Variants in POR observed in about 807,000 individuals in gnomAD.
POR encodes the protein cytochrome p450 oxidoreductase.
Under a neutral mutation model 84.0 loss-of-function variants are expected in POR, and 56 were observed. The observed-to-expected ratio is 0.67, with a 90% CI of 0.54 to 0.83. POR has a LOEUF of 0.83. Ranked by LOEUF, POR falls within the 40% of genes least tolerant of loss-of-function variation. The probability of loss-of-function intolerance (pLI) is 0.00; values close to 1 mark genes in which losing one functional copy is unlikely to be tolerated. For synonymous variants in POR, 414 were observed against 400.5 expected (o/e 1.03, Z -0.40); for missense variants, 938 against 944.3 (o/e 0.99, Z 0.09).
At chr7:75,974,158 A>G (rs148547867) in intron 3 of POR, among the ~76,000 whole-genome samples, 11 of 151,982 alleles carry the variant, frequency 7.2e-5, no homozygotes, top group African/African-American at 2.7e-4. Context: ...GGCTGTTGCT[A>G]CTCTTTGGCT....
At chr7:75,938,291 G>A (rs151084013) in intron 1 of POR, among the ~76,000 whole-genome samples, 51 of 152,256 alleles carry the variant, frequency 3.3e-4, no homozygotes, top group African/African-American at 1.0e-3. Context: ...TGAAAGCCCC[G>A]TGACTGCATT....
chr7:75,946,917 T>C (rs1787199260), intron 1 of POR: 1 of 152,080 alleles, frequency 6.6e-6, no homozygotes, highest in African/African-American at 2.4e-5. Context: ...CCCATCAGAG[T>C]ATTTGGCATA....
At chr7:75,918,768 T>C (rs529532148) in intron 1 of POR, 1 of 152,162 alleles carries the variant, frequency 6.6e-6, no homozygotes, top group African/African-American at 2.4e-5. Context: ...GCTGTTTGTT[T>C]CCACAGCAGG....
chr7:75,955,468 C>T (rs41295384), intron 2 of POR, among the ~76,000 whole-genome samples: 3,188 of 152,204 alleles, frequency 0.021, 112 homozygotes, highest in African/African-American at 0.073. Context: ...TTACTTCCTG[C>T]GGTTACGCTT....
At chr7:75,925,540 A>G (rs1281770883) in intron 1 of POR, among the ~76,000 whole-genome samples, 1 of 152,140 alleles carries the variant, frequency 6.6e-6, no homozygotes, top group Admixed American at 6.6e-5. Context: ...TTTTTTTTAA[A>G]AAGTGCTTTT....
chr7:75,985,500 G>T, intron 12 of POR, 79 bp from the exon 13 acceptor site: 1 of 1,429,074 alleles, frequency 7.0e-7, no homozygotes, highest in Non-Finnish European at 9.2e-7. Context: ...AGTGGGGCTG[G>T]CCTGCAGAAC....
intron 2 of POR, among the ~76,000 whole-genome samples, chr7:75,959,154 C>T (rs954635935): frequency 2.0e-5 from 3 of 152,134 alleles, no homozygotes; most frequent in Non-Finnish European, 2.9e-5. Context: ...AGGAGGATTG[C>T]TTAAGCCCAG....
chr7:75,954,608 A>AG (rs1787600605), intron 2 of POR, among the ~76,000 whole-genome samples: 1 of 152,116 alleles, frequency 6.6e-6, no homozygotes, highest in East Asian at 1.9e-4. Context: ...GGCACGATCA[A>AG]GGTTCACTGT....
At chr7:75,977,803 G>GAA (rs1298773008) in intron 3 of POR, among the ~76,000 whole-genome samples, 1 of 151,970 alleles carries the variant, frequency 6.6e-6, no homozygotes, top group African/African-American at 2.4e-5. Context: ...AAAAAGAAAA[G>GAA]AAAAAAAGAA....
intron 2 of POR, among the ~76,000 whole-genome samples, chr7:75,963,784 C>A (rs1554554812): frequency 6.6e-6 from 1 of 151,984 alleles, no homozygotes; most frequent in African/African-American, 2.4e-5. Flanking sequence ...AGGCACAGGT[C>A]ACCAAGGGAG....
rs183136038 is a variant in POR, at chr7:75,977,804, A to G, written c.238-1647A>G. Among the ~76,000 whole-genome samples, 349 of 152,266 alleles carry G rather than the reference A, an allele frequency of 2.3e-3. 3 individuals carry two copies. Among genetic ancestry groups the G allele is most frequent in the African/African-American group, 8.2e-3 (342 of 41,544 alleles). On this transcript the variant is annotated intron_variant, in intron 3 of 15. Coordinates refer to ENST00000461988, the MANE Select transcript of POR (RefSeq NM_000941.3). Reference sequence around the variant, plus strand: ...CACACAAAAATAAAAAAAAGAAAAGAAAAAAAGAAAAATGCCTTAGGCACT... The same window carrying G: ...CACACAAAAATAAAAAAAAGAAAAGGAAAAAAGAAAAATGCCTTAGGCACT...
intron 2 of POR, among the ~76,000 whole-genome samples, chr7:75,971,625 T>C (rs1585120272): frequency 6.6e-6 from 1 of 151,834 alleles, no homozygotes; most frequent in South Asian, 2.1e-4. Context: ...TGGACCAAGG[T>C]GAGGGCTGTA....
rs537750042 is a variant in POR at position 75,933,295 on chromosome 7, C to T, written c.-5+18116C>T. Among the ~76,000 whole-genome samples, 12 of 149,068 alleles carry T rather than the reference C, an allele frequency of 8.1e-5. No individual in the cohort carries two copies. In the East Asian group the frequency reaches 2.4e-3, roughly 30 times the overall value. The stretch of plus-strand genomic sequence containing the variant: ...CACACCTTTTTTTGTGGTGAGAACA[C>T]TTAAAATCTACTCTTAGCAGTCTTC... On this transcript the variant is annotated intron_variant, in intron 1 of 15. Transcript: ENST00000461988.
At chr7:75,977,133 G>T (rs1233310177) in intron 3 of POR, among the ~76,000 whole-genome samples, 1 of 152,182 alleles carries the variant, frequency 6.6e-6, no homozygotes, top group East Asian at 1.9e-4. Context: ...GATTACAGAA[G>T]TGAGCCACGG....
In POR at chr7:75,955,171, G is replaced by A. The variant is rs182873417; in HGVS notation, c.188+991G>A. On this transcript the variant is annotated intron_variant, in intron 2 of 15. Coordinates refer to ENST00000461988, the MANE Select transcript of POR (RefSeq NM_000941.3). ...ATTGGCATTTTAAAGTCTTTTTAAG[G>A]CTGTAGCCACCTGGAAGGCTATGTG... Among the ~76,000 whole-genome samples, 269 of 152,310 alleles carry A rather than the reference G, an allele frequency of 1.8e-3. 13 individuals carry two copies. In the South Asian group the frequency reaches 0.05, roughly 28 times the overall value.
intron 1 of POR, among the ~76,000 whole-genome samples, chr7:75,924,868 A>T (rs1807042300): frequency 6.6e-6 from 1 of 152,182 alleles, no homozygotes; most frequent in South Asian, 2.1e-4. Context: ...GTCATCCCGG[A>T]GACGGACTGT....
chr7:75,982,811 C>T (rs1368745926), intron 8 of POR, among the ~76,000 whole-genome samples: 3 of 152,134 alleles, frequency 2.0e-5, no homozygotes, highest in South Asian at 4.1e-4. Flanking sequence ...CTGGCTGGAG[C>T]GAGAAGCCCT....
intron 1 of POR, among the ~76,000 whole-genome samples, chr7:75,917,072 CT>C (rs557927022): frequency 1.1e-3 from 160 of 146,286 alleles, no homozygotes; most frequent in East Asian, 9.9e-4. Flanking sequence ...TTTTAAGTAA[CT>C]TTTTTTTTTT....
chr7:75,950,442 C>T (rs556299074), intron 1 of POR, among the ~76,000 whole-genome samples: 5 of 152,214 alleles, frequency 3.3e-5, no homozygotes, highest in South Asian at 2.1e-4. Flanking sequence ...GGACAGGGAG[C>T]GCGAGTTTCT....
Sources: gnomAD v4.1 joint callset for allele counts (sites outside exome capture counted in the v4.1 genomes callset) on GRCh38, gnomAD v4.1.1 for gene constraint, MANE v1.5 for transcripts, NCBI Gene and HGNC (gene_info 2026-07-23, HGNC 2026-07-21) for gene names.